CEP95: variants seen among roughly 807,000 people sequenced by gnomAD.
The protein encoded by CEP95 is centrosomal protein 95.
A neutral mutation model predicts 111.2 loss-of-function variants in CEP95; 98 were observed. That is an observed-to-expected ratio of 0.88 (90% CI 0.75 to 1.04). The LOEUF is 1.04. Ranked by LOEUF, CEP95 falls within the 50% of genes least tolerant of loss-of-function variation. CEP95 has a pLI of 0.00. For missense variants in CEP95, 1,027 were observed against 977.2 expected (o/e 1.05, Z -0.68); for synonymous variants, 323 against 327.1 (o/e 0.99, Z 0.14).
At chr17:64,537,331 C>A in intron 19 of CEP95, 1 of 1,404,444 alleles carries the variant, frequency 7.1e-7, no homozygotes, top group South Asian at 1.7e-5. Context: ...CATTAAGTGA[C>A]ACATGACTAA....
At chr17:64,506,953 A>T (rs1223248480), upstream of CEP95, 2 of 862,284 alleles carry the variant, frequency 2.3e-6, no homozygotes, top group Non-Finnish European at 3.8e-6. Context: ...AGCTCTTTTA[A>T]CGTCCGTCCT....
intron 1 of CEP95, 97 bp from the exon 2 acceptor site, chr17:64,508,495 G>GT: frequency 8.2e-7 from 1 of 1,221,140 alleles, no homozygotes; most frequent in Non-Finnish European, 1.0e-6. Context: ...TTCAGTGTCT[G>GT]TTTTTGTTGG....
At position 64,533,344 on chromosome 17, in the gene CEP95, C is replaced by T. The variant is rs1047470239; in HGVS notation, c.1917+153C>T. Among the ~76,000 whole-genome samples, 3 of 152,154 alleles carry T rather than the reference C, an allele frequency of 2.0e-5. No individual in the cohort carries two copies. The South Asian group carries it at 6.2e-4, about 31-fold the overall frequency. ...AGGTCTTTAACCAAAATTGATAGCC[C>T]ATGCCTGTAATCCCAGCACTTTGGG... On this transcript the variant is annotated intron_variant, in intron 16 of 19. Transcript: ENST00000556440.
In CEP95 at chr17:64,522,709, C is replaced by T. The variant is rs781804896; in HGVS notation, c.723C>T (p.Thr241=). 3 of 1,611,790 alleles carry T rather than the reference C, an allele frequency of 1.9e-6. No individual in the cohort carries two copies. The highest frequency in any genetic ancestry group is 2.2e-5 in the East Asian group (1 of 44,862). The change falls in exon 8 of 20, where the codon ACC becomes ACT. Residue 241 remains threonine, a synonymous_variant. Coordinates refer to ENST00000556440, the MANE Select transcript of CEP95 (RefSeq NM_138363.3). ...SRTSFVEDTE[T]LSVSGIPNAR... ...TTTAATTTGTCTTACTAGCGGAAAC[C>T]CTTTCTGTGAGTGGGATTCCAAATG...
intron 13 of CEP95, among the ~76,000 whole-genome samples, 164 bp from the exon 14 acceptor site, chr17:64,531,726 T>C (rs568059911): frequency 6.6e-6 from 1 of 152,312 alleles, no homozygotes; most frequent in East Asian, 1.9e-4. Context: ...TAAATGAATA[T>C]TAACCAGATT....
chr17:64,518,026 G>A (rs1364565475), intron 5 of CEP95, among the ~76,000 whole-genome samples: 4 of 151,968 alleles, frequency 2.6e-5, no homozygotes, highest in South Asian at 4.1e-4. Context: ...ACAGGTGCAC[G>A]CCGCCACGGC....
intron 4 of CEP95, 29 bp downstream of exon 4, chr17:64,514,387 GT>G: frequency 9.2e-7 from 1 of 1,087,934 alleles, no homozygotes; most frequent in Non-Finnish European, 1.4e-6. Context: ...ATTTGGTTTG[GT>G]TTACCTTTTA....
At chr17:64,508,515 T>G (rs889000153) in intron 1 of CEP95, 77 bp from the exon 2 acceptor site, 1 of 1,244,510 alleles carries the variant, frequency 8.0e-7, no homozygotes, top group Non-Finnish European at 1.0e-6. Flanking sequence ...GGGGGGAGGT[T>G]GTTGGATTTT....
At position 64,534,679 on chromosome 17, in the gene CEP95, ATGATTATAGAGT is replaced by A; in HGVS notation, c.2014_2025del (p.Asp672_Val675del). The A allele has an allele frequency of 6.2e-7, 1 of 1,613,462 alleles. No homozygotes were observed. The highest frequency in any genetic ancestry group is 8.5e-7 in the Non-Finnish European group (1 of 1,179,604). Reference sequence around the variant, plus strand: ...ATCGTTCGTGCTCGAAAATATTATGATGATTATAGAGTTCAGTTGTGTGCAAAAATGATGAGA... The same window carrying A: ...ATCGTTCGTGCTCGAAAATATTATGATCAGTTGTGTGCAAAAATGATGAGA... On this transcript the variant is annotated inframe_deletion, in exon 17 of 20. Coordinates refer to ENST00000556440, the MANE Select transcript of CEP95 (RefSeq NM_138363.3).
chr17:64,512,460 AT>A (rs2038946828), intron 3 of CEP95, among the ~76,000 whole-genome samples: 1 of 152,210 alleles, frequency 6.6e-6, no homozygotes, highest in Non-Finnish European at 1.5e-5. Context: ...AGCATACCAA[AT>A]ATATTTATAA....
intron 4 of CEP95, 191 bp downstream of exon 4, chr17:64,514,549 C>G (rs552051317): frequency 9.3e-6 from 4 of 432,166 alleles, no homozygotes; most frequent in African/African-American, 2.0e-5. Flanking sequence ...TCATCATGTT[C>G]TTTATCAACT....
intron 5 of CEP95, among the ~76,000 whole-genome samples, chr17:64,518,310 T>C (rs1467868072): frequency 6.6e-6 from 1 of 152,238 alleles, no homozygotes; most frequent in Non-Finnish European, 1.5e-5. Flanking sequence ...TGATACTTAA[T>C]GTTTATTCTT....
At chr17:64,514,678 GA>G (rs1332021637) in intron 4 of CEP95, 1 of 374,750 alleles carries the variant, frequency 2.7e-6, no homozygotes, top group Non-Finnish European at 4.7e-6. Flanking sequence ...TCGTGTGTCA[GA>G]ACTGCTATTT....
rs528109087 is a variant in CEP95, at chr17:64,520,218, T to C, written c.589+782T>C. 1.9e-4 allele frequency among the ~76,000 whole-genome samples: 29 copies of C among 152,270 alleles called. No homozygotes were observed. In the East Asian group the frequency reaches 2.5e-3, roughly 13 times the overall value. ...GATGTCAAGTGCTATGTAAAAAAGATGTTACTGTAAAATGAATTACTTATT... is the reference window on the plus strand; with the variant it reads ...GATGTCAAGTGCTATGTAAAAAAGACGTTACTGTAAAATGAATTACTTATT... On this transcript the variant is annotated intron_variant, in intron 6 of 19. Coordinates refer to ENST00000556440, the MANE Select transcript of CEP95 (RefSeq NM_138363.3).
chr17:64,521,680 T>A (rs1967350068), intron 7 of CEP95, among the ~76,000 whole-genome samples, 153 bp downstream of exon 7: 1 of 152,212 alleles, frequency 6.6e-6, no homozygotes. Context: ...AATTATGGTA[T>A]CTGAATTCTG....
chr17:64,516,839 G>C lies in CEP95; in HGVS notation c.473+11G>C, dbSNP rs781806588. 6.8e-7 allele frequency: 1 copy of C among 1,465,300 alleles called. No individual in the cohort carries two copies. Among genetic ancestry groups the C allele is most frequent in the Non-Finnish European group, 9.5e-7 (1 of 1,047,418 alleles). 90.8% of individuals were successfully genotyped at this position (1,465,300 alleles called of 1,614,324 possible). On this transcript the variant is annotated intron_variant, in intron 5 of 19. Transcript: ENST00000556440. ...AGTTTCTTTTGGGAGGTAGCACTTA[G>C]TGTCTCTGAATTTGATGAAAACAAG...
rs1239993886 is a variant in CEP95, at chr17:64,537,184, T to C, written c.2289+72T>C. Reference sequence around the variant, plus strand: ...TCTTTCAGCAAGGGACCTCGTACATTGGTGGTTGGAGCAATAGGCTGTATC... The same window carrying C: ...TCTTTCAGCAAGGGACCTCGTACATCGGTGGTTGGAGCAATAGGCTGTATC... On this transcript the variant is annotated intron_variant, in intron 19 of 19. Coordinates refer to ENST00000556440, the MANE Select transcript of CEP95 (RefSeq NM_138363.3). The C allele has an allele frequency of 1.2e-5, 19 of 1,568,500 alleles. No individual in the cohort carries two copies. In the African/African-American group the frequency reaches 2.2e-4, roughly 18 times the overall value.
At chr17:64,530,683 T>A (rs566732976) in intron 12 of CEP95, among the ~76,000 whole-genome samples, 1 of 152,158 alleles carries the variant, frequency 6.6e-6, no homozygotes, top group South Asian at 2.1e-4. Flanking sequence ...TAATTTTGTA[T>A]TTTTAGTAGA....
chr17:64,522,813 G>A lies in CEP95; in HGVS notation c.827G>A (p.Cys276Tyr). ...CACCCTTCAGAGCCTCGAGCACCCT[G>A]CCCCATAGGAAAAGAATACTTGCAT... The part of the protein sequence containing the change: ...PYHPSEPRAP[C>Y]PIGKEYLHSS... The change falls in exon 8 of 20, where the codon TGC becomes TAC. Residue 276 changes from cysteine (C) to tyrosine (Y), a missense_variant. Transcript: ENST00000556440. 1.2e-6 allele frequency: 2 copies of A among 1,613,754 alleles called. No homozygotes were observed. Among genetic ancestry groups the A allele is most frequent in the Non-Finnish European group, 8.5e-7 (1 of 1,179,828 alleles).
Sources: gnomAD v4.1 joint callset for allele counts (sites outside exome capture counted in the v4.1 genomes callset) on GRCh38, gnomAD v4.1.1 for gene constraint, MANE v1.5 for transcripts, NCBI Gene and HGNC (gene_info 2026-07-23, HGNC 2026-07-21) for gene names.